METTL15: variants seen among roughly 807,000 people sequenced by gnomAD.
The protein encoded by METTL15 is methyltransferase 15, mitochondrial 12S rRNA N4-cytidine, also known as 12S rRNA N(4)-cytidine methyltransferase METTL15.
Under a neutral mutation model 38.3 loss-of-function variants are expected in METTL15, and 34 were observed. The observed-to-expected ratio is 0.89, with a 90% CI of 0.68 to 1.18. METTL15 has a LOEUF of 1.18. METTL15 is among the 50% of genes most tolerant of loss of function. The pLI is 0.00. For synonymous variants in METTL15, 162 were observed against 170.9 expected, an observed-to-expected ratio of 0.95 and a Z score of 0.41; for missense variants, 438 against 498.4, an observed-to-expected ratio of 0.88 and a Z score of 1.15.
chr11:28,387,094 T>C (rs946458219), intron 5 of METTL15, among the ~76,000 whole-genome samples: 1 of 151,862 alleles, frequency 6.6e-6, no homozygotes, highest in African/African-American at 2.4e-5. Flanking sequence ...CATAAACACT[T>C]ACGTTAAAAG....
At chr11:28,237,203 A>G (rs1854032152) in intron 4 of METTL15, among the ~76,000 whole-genome samples, 1 of 152,182 alleles carries the variant, frequency 6.6e-6, no homozygotes, top group Non-Finnish European at 1.5e-5. Flanking sequence ...GTGTTTTCCA[A>G]CTTGGTTCCA....
rs781423030 is a variant in METTL15, at chr11:28,395,982, C to T, written c.*359-28317C>T. Among the ~76,000 whole-genome samples the T allele has an allele frequency of 9.5e-4, 145 of 152,094 alleles. 1 individual carries two copies. The highest frequency in any genetic ancestry group is 1.7e-3 in the Non-Finnish European group (118 of 68,020). ...AACATAATCCAGCACATAGACAGAA[C>T]CAAAGACAAAAACCACATGGTTGTC... On this transcript the variant is annotated intron_variant and NMD_transcript_variant, in intron 5 of 7. Coordinates refer to the METTL15 transcript ENST00000532947.
intron 5 of METTL15, among the ~76,000 whole-genome samples, chr11:28,386,643 G>A (rs546327645): frequency 2.1e-4 from 32 of 152,086 alleles, no homozygotes; most frequent in African/African-American, 7.7e-4. Flanking sequence ...TCTACTTTCA[G>A]TAGTAGATAG....
At chr11:28,154,526 T>G (rs1382469588) in intron 3 of METTL15, among the ~76,000 whole-genome samples, 1 of 152,158 alleles carries the variant, frequency 6.6e-6, no homozygotes. Flanking sequence ...TATCACAGCT[T>G]ATGGAATAAG....
intron 3 of METTL15, among the ~76,000 whole-genome samples, chr11:28,162,946 CAGAT>C (rs1308765384): frequency 1.3e-5 from 2 of 152,000 alleles, no homozygotes; most frequent in South Asian, 2.1e-4. Flanking sequence ...TGTATTCTAT[CAGAT>C]AGGTAGTATT....
At chr11:28,283,845 T>C (rs573418005) in intron 4 of METTL15, among the ~76,000 whole-genome samples, 3 of 152,282 alleles carry the variant, frequency 2.0e-5, no homozygotes, top group East Asian at 3.9e-4. Flanking sequence ...AGGATGTTAC[T>C]TTTCTGTTAC....
At chr11:28,372,300 C>G (rs1850252160) in intron 5 of METTL15, among the ~76,000 whole-genome samples, 2 of 151,892 alleles carry the variant, frequency 1.3e-5, no homozygotes, top group Non-Finnish European at 2.9e-5. Context: ...TATGTTGAAC[C>G]CTCGTTGCAT....
chr11:28,192,469 G>T (rs1198889327), intron 3 of METTL15, among the ~76,000 whole-genome samples: 9 of 150,174 alleles, frequency 6.0e-5, no homozygotes, highest in Admixed American at 2.7e-4. Flanking sequence ...TATGTTCTGT[G>T]AAGGTTATTG....
chr11:28,502,100 CAAA>C (rs371738355), intron 6 of METTL15, among the ~76,000 whole-genome samples: 1 of 121,044 alleles, frequency 8.3e-6, no homozygotes, highest in African/African-American at 3.2e-5. Flanking sequence ...GACTCTGTCT[CAAA>C]AAAAAAAAAA....
In METTL15 at chr11:28,193,932, A is replaced by G. The variant is rs141688602; in HGVS notation, c.271-17130A>G. ...CCTAATGTATTCTTTGTATTTTTCT[A>G]TTATAAGATTGTTTCCTACTTGAAT... On this transcript the variant is annotated intron_variant, in intron 3 of 6. Coordinates refer to ENST00000407364, the MANE Select transcript of METTL15 (RefSeq NM_001113528.2). 5.9e-5 allele frequency among the ~76,000 whole-genome samples: 9 copies of G among 152,078 alleles called. No homozygotes were observed. In the East Asian group the frequency reaches 1.4e-3, roughly 23 times the overall value.
intron 4 of METTL15, among the ~76,000 whole-genome samples, chr11:28,237,011 C>A (rs192094786): frequency 6.6e-6 from 1 of 152,136 alleles, no homozygotes; most frequent in Non-Finnish European, 1.5e-5. Context: ...GTAACCCGAT[C>A]TTTCTCTGTG....
At chr11:28,480,899 G>C (rs987169523) in intron 6 of METTL15, among the ~76,000 whole-genome samples, 8 of 152,140 alleles carry the variant, frequency 5.3e-5, no homozygotes, top group Admixed American at 2.0e-4. Flanking sequence ...CTTGGCTCCT[G>C]AGGAGATCTT....
intron 6 of METTL15, among the ~76,000 whole-genome samples, chr11:28,505,364 G>A (rs1851619741): frequency 6.6e-6 from 1 of 152,162 alleles, no homozygotes. Flanking sequence ...AGCATTCCAA[G>A]CAGGACGATT....
intron 3 of METTL15, among the ~76,000 whole-genome samples, chr11:28,203,912 G>A (rs2170791): frequency 1 from 152,143 of 152,154 alleles, 76,066 homozygotes; most frequent in Middle Eastern, 1. Context: ...TAATGAATCA[G>A]TTGGCAATAT....
intron 5 of METTL15, among the ~76,000 whole-genome samples, chr11:28,370,002 T>G (rs2133374394): frequency 6.6e-6 from 1 of 152,284 alleles, no homozygotes. Context: ...TAGAGTCACT[T>G]AATTTATAAA....
At chr11:28,430,739 T>C (rs1453968034) in intron 6 of METTL15, among the ~76,000 whole-genome samples, 28 of 82,606 alleles carry the variant, frequency 3.4e-4, no homozygotes, top group South Asian at 5.3e-4. Context: ...GGGTCAGCCC[T>C]CCGCCTGGCC....
At chr11:28,368,128 C>CAAAAA (rs796151908) in intron 5 of METTL15, among the ~76,000 whole-genome samples, 2 of 32,582 alleles carry the variant, frequency 6.1e-5, no homozygotes, top group Non-Finnish European at 1.2e-4. Flanking sequence ...TTCTGCATAG[C>CAAAAA]AAAAAAAAAA....
At chr11:28,207,159 G>T (rs1852382133) in intron 3 of METTL15, among the ~76,000 whole-genome samples, 1 of 150,530 alleles carries the variant, frequency 6.6e-6, no homozygotes, top group Non-Finnish European at 1.5e-5. Flanking sequence ...AGTAGGAGTG[G>T]TGAGAGAGGG....
At chr11:28,302,705 A>G (rs1459730531) in intron 6 of METTL15, among the ~76,000 whole-genome samples, 2 of 152,128 alleles carry the variant, frequency 1.3e-5, no homozygotes, top group African/African-American at 2.4e-5. Flanking sequence ...GCAGCATGAA[A>G]ATGACCAATA....
Sources: allele counts gnomAD v4.1 joint callset (sites outside exome capture counted in the v4.1 genomes callset), GRCh38; gene constraint gnomAD v4.1.1; transcripts MANE v1.5; gene names NCBI Gene and HGNC (gene_info 2026-07-23, HGNC 2026-07-21).